SCAPER: variants seen among roughly 807,000 people sequenced by gnomAD.
SCAPER encodes the protein S-phase cyclin A associated protein in the ER, also known as S phase cyclin A-associated protein in the endoplasmic reticulum.
A neutral mutation model predicts 182.2 loss-of-function variants in SCAPER; 98 were observed. That is an observed-to-expected ratio of 0.54 (90% confidence interval 0.46 to 0.64). The LOEUF is 0.64. Ranked by LOEUF, SCAPER falls within the 30% of genes least tolerant of loss-of-function variation. The pLI, the probability that SCAPER is intolerant of heterozygous loss-of-function variation, is 0.00. For missense variants in SCAPER, 1,432 were observed against 1,690.0 expected (o/e 0.85, Z 2.68); for synonymous variants, 605 against 564.6 (o/e 1.07, Z -1.01).
At chr15:76,693,394 A>C (rs2058483535) in intron 20 of SCAPER, among the ~76,000 whole-genome samples, 1 of 152,206 alleles carries the variant, frequency 6.6e-6, no homozygotes, top group Non-Finnish European at 1.5e-5. Context: ...GTAGGAATGT[A>C]AACACCTCAT....
At chr15:76,755,154 AAC>A (rs1232761312) in intron 14 of SCAPER, among the ~76,000 whole-genome samples, 3 of 152,212 alleles carry the variant, frequency 2.0e-5, no homozygotes, top group African/African-American at 7.2e-5. Flanking sequence ...GGCATTAAAA[AAC>A]ACAGTAAGAG....
rs186281606 is a variant in SCAPER at position 76,524,588 on chromosome 15, T to C, written c.2839-19614A>G. ...TCTATATTTTTATGACACTCAGACA[T>C]AGAAAATGACAGTCCCAAATTCTGC... On this transcript the variant is annotated intron_variant, in intron 23 of 31. Transcript: ENST00000563290. Among the ~76,000 whole-genome samples, 733 of 151,850 alleles carry C rather than the reference T, an allele frequency of 4.8e-3. 6 individuals carry two copies. The highest frequency in any genetic ancestry group is 0.016 in the African/African-American group (647 of 41,486).
intron 17 of SCAPER, among the ~76,000 whole-genome samples, chr15:76,712,326 T>C (rs916412503): frequency 6.6e-6 from 1 of 152,198 alleles, no homozygotes; most frequent in Non-Finnish European, 1.5e-5. Context: ...TACCATGCTG[T>C]TTTGGTTATC....
At chr15:76,518,775 C>T (rs901087366) in intron 23 of SCAPER, among the ~76,000 whole-genome samples, 1 of 152,188 alleles carries the variant, frequency 6.6e-6, no homozygotes, top group African/African-American at 2.4e-5. Flanking sequence ...ATACTTTGAT[C>T]ATGGATGAAC....
chr15:76,719,283 A>C (rs1433663844), intron 17 of SCAPER, among the ~76,000 whole-genome samples: 3 of 152,182 alleles, frequency 2.0e-5, no homozygotes, highest in Non-Finnish European at 4.4e-5. Flanking sequence ...AATGAGCCAC[A>C]CATGGAAAGA....
chr15:76,626,954 G>A (rs1422774681), intron 21 of SCAPER, among the ~76,000 whole-genome samples: 1 of 152,148 alleles, frequency 6.6e-6, no homozygotes, highest in African/African-American at 2.4e-5. Context: ...TTTGGTCAGA[G>A]CAAAAGATTA....
chr15:76,578,336 G>A (rs1033423537), intron 22 of SCAPER, among the ~76,000 whole-genome samples: 2 of 152,170 alleles, frequency 1.3e-5, no homozygotes, highest in African/African-American at 2.4e-5. Context: ...TGATTGCTGA[G>A]CCCTAGGGGG....
intron 29 of SCAPER, among the ~76,000 whole-genome samples, chr15:76,364,405 CAGA>C (rs1174950850): frequency 2.0e-5 from 3 of 152,044 alleles, no homozygotes; most frequent in Non-Finnish European, 4.4e-5. Context: ...CCAGGATCAC[CAGA>C]AGAAGCTAAA....
chr15:76,481,730 C>T (rs552288090), intron 24 of SCAPER, among the ~76,000 whole-genome samples: 1 of 152,220 alleles, frequency 6.6e-6, no homozygotes, highest in Non-Finnish European at 1.5e-5. Context: ...ATAGTCATCA[C>T]TTACTTGCAT....
At chr15:76,822,751 T>C (rs1844918628) in intron 5 of SCAPER, among the ~76,000 whole-genome samples, 1 of 152,152 alleles carries the variant, frequency 6.6e-6, no homozygotes, top group Non-Finnish European at 1.5e-5. Flanking sequence ...CACTGATGCA[T>C]CTAAATGGAA....
chr15:76,491,691 G>A (rs1384552019), intron 24 of SCAPER, among the ~76,000 whole-genome samples: 1 of 152,058 alleles, frequency 6.6e-6, no homozygotes, highest in Non-Finnish European at 1.5e-5. Context: ...GAGTGCAGTG[G>A]TGTGACCTAA....
chr15:76,400,264 A>T (rs955530198), intron 27 of SCAPER, among the ~76,000 whole-genome samples: 1 of 152,158 alleles, frequency 6.6e-6, no homozygotes, highest in Non-Finnish European at 1.5e-5. Flanking sequence ...TCCTGTCACA[A>T]AAGGGCTAGG....
chr15:76,514,228 T>C (rs1244697738), intron 23 of SCAPER, among the ~76,000 whole-genome samples: 2 of 152,198 alleles, frequency 1.3e-5, no homozygotes, highest in African/African-American at 2.4e-5. Flanking sequence ...GAGAAAAACA[T>C]ACCTTTAAAG....
intron 22 of SCAPER, among the ~76,000 whole-genome samples, chr15:76,592,202 A>C (rs529286578): frequency 6.6e-6 from 1 of 152,064 alleles, no homozygotes; most frequent in African/African-American, 2.4e-5. Context: ...GGTAATACTT[A>C]GGAATGAAAT....
chr15:76,647,849 T>C (rs1476549366), intron 21 of SCAPER, among the ~76,000 whole-genome samples: 1 of 152,198 alleles, frequency 6.6e-6, no homozygotes, highest in East Asian at 1.9e-4. Context: ...ACAAAGGACA[T>C]ACCTTAGAAG....
At chr15:76,896,416 A>G (rs555335774) in intron 1 of SCAPER, among the ~76,000 whole-genome samples, 2 of 152,284 alleles carry the variant, frequency 1.3e-5, no homozygotes, top group African/African-American at 4.8e-5. Context: ...TAGGAATATA[A>G]ATCTAACCAA....
At chr15:76,723,750 T>C (rs541236027) in intron 17 of SCAPER, among the ~76,000 whole-genome samples, 2 of 152,322 alleles carry the variant, frequency 1.3e-5, no homozygotes, top group East Asian at 3.8e-4. Flanking sequence ...TTGCAACCCC[T>C]GCCTTTTATT....
intron 3 of SCAPER, among the ~76,000 whole-genome samples, chr15:76,859,562 G>C (rs1002119438): frequency 6.6e-6 from 1 of 152,098 alleles, no homozygotes; most frequent in Non-Finnish European, 1.5e-5. Flanking sequence ...ACAAGAACAA[G>C]CTGCTATTAA....
chr15:76,661,420 A>C (rs1275854026), intron 21 of SCAPER, among the ~76,000 whole-genome samples: 1 of 152,208 alleles, frequency 6.6e-6, no homozygotes, highest in East Asian at 1.9e-4. Flanking sequence ...AAAATTTTTC[A>C]ATCTACCCAT....
Sources: allele counts gnomAD v4.1 joint callset (sites outside exome capture counted in the v4.1 genomes callset), GRCh38; gene constraint gnomAD v4.1.1; transcripts MANE v1.5; gene names NCBI Gene and HGNC (gene_info 2026-07-23, HGNC 2026-07-21).